The following PCDH11X variants were observed in gnomAD, a reference collection of about 807,000 sequenced individuals.
PCDH11X encodes protocadherin-11 X-linked.
A neutral mutation model predicts 53.3 loss-of-function variants in PCDH11X; 18 were observed. The ratio of observed to expected loss-of-function variants is 0.34; its 90% CI spans 0.23 to 0.50. The LOEUF (loss-of-function observed/expected upper bound fraction) is 0.50, where lower values mean the gene tolerates loss of function less well. PCDH11X is among the 20% of genes least tolerant of loss of function. The pLI is 0.98. For synonymous variants in PCDH11X, 279 were observed against 393.3 expected, an observed-to-expected ratio of 0.71 and a Z score of 3.44; for missense variants, 570 against 1,032.4, an observed-to-expected ratio of 0.55 and a Z score of 6.14.
At chrX:92,376,003 G>C (rs1351955657) in intron 8 of PCDH11X, among the ~76,000 whole-genome samples, 61 of 111,240 alleles carry the variant, frequency 5.5e-4, no homozygotes, top group African/African-American at 1.9e-3. Flanking sequence ...CTTTTGAAAA[G>C]CACTGTGCAT....
chrX:92,298,422 G>A (rs977632513), intron 8 of PCDH11X, among the ~76,000 whole-genome samples: 1 of 111,335 alleles, frequency 9.0e-6, no homozygotes, highest in Non-Finnish European at 1.9e-5. Flanking sequence ...TTTATTTTCG[G>A]TTCTGTTTCT....
chrX:92,404,542 C>T (rs1335456483), intron 9 of PCDH11X, among the ~76,000 whole-genome samples: 1 of 110,283 alleles, frequency 9.1e-6, no homozygotes, highest in Non-Finnish European at 1.9e-5. Context: ...AAAATTTATA[C>T]AAGACATTTA....
At chrX:92,376,442 AT>A (rs779477981) in intron 8 of PCDH11X, among the ~76,000 whole-genome samples, 1 of 112,220 alleles carries the variant, frequency 8.9e-6, no homozygotes, top group Admixed American at 9.5e-5. Context: ...CACTGAAGAG[AT>A]TTGATGATTT....
chrX:92,466,336 C>A (rs2073157199), intron 9 of PCDH11X, among the ~76,000 whole-genome samples: 1 of 109,555 alleles, frequency 9.1e-6, no homozygotes, highest in South Asian at 3.8e-4. Flanking sequence ...AACCTTTAAA[C>A]CTTAATTAAA....
At chrX:92,598,645 G>T (rs952307555) in intron 10 of PCDH11X, among the ~76,000 whole-genome samples, 17 of 92,212 alleles carry the variant, frequency 1.8e-4, no homozygotes, top group Non-Finnish European at 2.9e-4. Flanking sequence ...AGTTTGGAGG[G>T]TCCTCACAAA....
intron 7 of PCDH11X, among the ~76,000 whole-genome samples, chrX:92,210,439 C>T (rs1437259069): frequency 9.2e-6 from 1 of 108,574 alleles, no homozygotes; most frequent in Non-Finnish European, 1.9e-5. Context: ...CGGGGTTTCA[C>T]TGTGTTAGCC....
intron 6 of PCDH11X, among the ~76,000 whole-genome samples, chrX:92,071,818 T>C (rs1198213972): frequency 8.9e-6 from 1 of 112,045 alleles, no homozygotes; most frequent in African/African-American, 3.2e-5. Context: ...ACTGGAGGTG[T>C]GGTGATGCAA....
chrX:92,566,041 T>C (rs1363386697), intron 10 of PCDH11X, among the ~76,000 whole-genome samples: 28 of 111,403 alleles, frequency 2.5e-4, no homozygotes, highest in African/African-American at 6.5e-4. Context: ...AGTCTGACTT[T>C]GTATACAAAA....
At chrX:92,590,388 T>C (rs1270225954) in intron 10 of PCDH11X, among the ~76,000 whole-genome samples, 4 of 111,325 alleles carry the variant, frequency 3.6e-5, no homozygotes, top group African/African-American at 1.3e-4. Context: ...GACCACAGTT[T>C]GTTAGTCCCC....
intron 6 of PCDH11X, among the ~76,000 whole-genome samples, chrX:92,110,243 C>A (rs2064474434): frequency 9.0e-6 from 1 of 110,703 alleles, no homozygotes; most frequent in Non-Finnish European, 1.9e-5. Flanking sequence ...AATTGGAATA[C>A]ATAAATCTTA....
intron 9 of PCDH11X, among the ~76,000 whole-genome samples, chrX:92,443,227 G>C (rs1569487602): frequency 9.0e-6 from 1 of 111,362 alleles, no homozygotes; most frequent in Non-Finnish European, 1.9e-5. Context: ...TTTTGGTTTT[G>C]ATTTTCATTT....
intron 6 of PCDH11X, among the ~76,000 whole-genome samples, chrX:92,186,818 G>A (rs1248900877): frequency 1.8e-5 from 2 of 110,598 alleles, no homozygotes; most frequent in Non-Finnish European, 3.8e-5. Context: ...AGCTAAAAGA[G>A]AGAGTTTTGA....
At chrX:92,114,136 G>A (rs752874177) in intron 6 of PCDH11X, 41 of 1,177,476 alleles carry the variant, frequency 3.5e-5, no homozygotes, top group Admixed American at 6.6e-5. Context: ...CAATTCTCGA[G>A]TGGGTGCTAG....
chrX:92,375,746 A>C (rs5984944), intron 8 of PCDH11X, among the ~76,000 whole-genome samples: 43,428 of 106,162 alleles, frequency 0.41, 7,332 homozygotes, highest in Non-Finnish European at 0.49. Flanking sequence ...GCCACAGCCT[A>C]CCAAGTAGCT....
intron 6 of PCDH11X, among the ~76,000 whole-genome samples, chrX:92,189,745 A>G (rs1404177324): frequency 8.9e-6 from 1 of 111,802 alleles, no homozygotes; most frequent in Non-Finnish European, 1.9e-5. Context: ...TGATTTTTTA[A>G]TAATCACCAT....
chrX:91,942,178 C>A (rs1423149324), intron 6 of PCDH11X, among the ~76,000 whole-genome samples: 4 of 109,219 alleles, frequency 3.7e-5, no homozygotes, highest in Admixed American at 2.0e-4. Flanking sequence ...AAGTTAAACA[C>A]AAAGGAATCA....
intron 9 of PCDH11X, among the ~76,000 whole-genome samples, chrX:92,407,311 G>A (rs2071542805): frequency 1.8e-5 from 2 of 111,311 alleles, no homozygotes; most frequent in African/African-American, 6.5e-5. Context: ...CCTTGTACAT[G>A]CTTTCTGTTG....
intron 4 of PCDH11X, among the ~76,000 whole-genome samples, chrX:91,830,703 T>A (rs1299304684): frequency 2.7e-5 from 3 of 111,350 alleles, no homozygotes; most frequent in Non-Finnish European, 5.6e-5. Context: ...TTATGGCTGT[T>A]AAATGGTGTA....
chrX:92,163,109 A>G (rs1466794178), intron 6 of PCDH11X, among the ~76,000 whole-genome samples: 3 of 105,187 alleles, frequency 2.9e-5, no homozygotes, highest in African/African-American at 1.0e-4. Flanking sequence ...TTGTCAGGGA[A>G]GTAGGGGAAA....
Sources: allele counts gnomAD v4.1 joint callset (sites outside exome capture counted in the v4.1 genomes callset), GRCh38; gene constraint gnomAD v4.1.1; transcripts MANE v1.5; gene names NCBI Gene and HGNC (gene_info 2026-07-23, HGNC 2026-07-21).